The following ZNF341 variants were observed in gnomAD, a reference collection of about 807,000 sequenced individuals.
ZNF341 encodes zinc finger protein 341.
ZNF341 carries 52 observed loss-of-function variants against 87.7 expected under a neutral mutation model. The ratio of observed to expected loss-of-function variants is 0.59; its 90% CI spans 0.47 to 0.75. The LOEUF is 0.75. ZNF341 is among the 30% of genes least tolerant of loss of function. ZNF341 has a pLI of 0.00. For missense variants in ZNF341, 977 were observed against 1,145.9 expected, an observed-to-expected ratio of 0.85 and a Z score of 2.13; for synonymous variants, 459 against 472.7, an observed-to-expected ratio of 0.97 and a Z score of 0.38.
At chr20:33,770,328 G>A (rs138412797) in intron 10 of ZNF341, 36 bp downstream of exon 10, 16 of 1,529,392 alleles carry the variant, frequency 1.0e-5, no homozygotes, top group East Asian at 2.3e-5. Context: ...CTGGGTGGAC[G>A]GGTGGGTGGG....
chr20:33,740,747 G>A (rs1015523720), intron 1 of ZNF341, among the ~76,000 whole-genome samples, 155 bp from the exon 2 acceptor site: 1 of 152,130 alleles, frequency 6.6e-6, no homozygotes, highest in Non-Finnish European at 1.5e-5. Context: ...GGGCTCAAGC[G>A]ATCTCCCACC....
At chr20:33,735,277 C>T (rs563738888) in intron 1 of ZNF341, among the ~76,000 whole-genome samples, 172 of 152,266 alleles carry the variant, frequency 1.1e-3, no homozygotes, top group Non-Finnish European at 2.2e-3. Context: ...GTGATCTGCC[C>T]GCCTTGGCCT....
At chr20:33,776,553 A>AT (rs2019631861) in intron 10 of ZNF341, among the ~76,000 whole-genome samples, 2 of 151,946 alleles carry the variant, frequency 1.3e-5, no homozygotes, top group Admixed American at 6.6e-5. Flanking sequence ...GGCCTGGCTA[A>AT]TTTTTTATTT....
intron 10 of ZNF341, among the ~76,000 whole-genome samples, chr20:33,775,296 G>A (rs1206731964): frequency 1.3e-5 from 2 of 148,542 alleles, no homozygotes; most frequent in African/African-American, 5.0e-5. Flanking sequence ...TACAACCTTC[G>A]CCTCCCAGGT....
rs2020016826 is a variant in ZNF341 at position 33,791,195 on chromosome 20, A to G, written c.2243A>G (p.Gln748Arg). Residue 748 changes from glutamine (Q) to arginine (R), a missense_variant, in exon 15 of 15, where the codon CAG becomes CGG. Gln to Arg is a conservative substitution (Grantham distance 43, BLOSUM62 1). Around this residue, in one of 3 missense-constraint regions of ZNF341, gnomAD observed 221 missense variants for 212.7 expected, o/e 1.04. Transcript: ENST00000375200. ...DKDLQTRRPP[Q>R]RRAAPRSCGS... Reference sequence around the variant, plus strand: ...GACCTGCAAACCCGGCGGCCCCCCCAGAGGAGGGCAGCCCCCCGCAGTTGC... The same window carrying G: ...GACCTGCAAACCCGGCGGCCCCCCCGGAGGAGGGCAGCCCCCCGCAGTTGC... 6.2e-7 allele frequency: 1 copy of G among 1,612,618 alleles called. No individual in the cohort carries two copies. The highest frequency in any genetic ancestry group is 1.3e-5 in the African/African-American group (1 of 74,914).
chr20:33,749,025 T>G lies in ZNF341; in HGVS notation c.442T>G (p.Phe148Val). Residue 148 changes from phenylalanine (F) to valine (V), a missense_variant, in exon 4 of 15, where the codon TTC becomes GTC. By Grantham distance (50) the Phe-to-Val change is conservative (BLOSUM62 -1). Around this residue, in one of 3 missense-constraint regions of ZNF341, gnomAD observed 515 missense variants for 598.2 expected, o/e 0.86. Coordinates refer to ENST00000375200, the MANE Select transcript of ZNF341 (RefSeq NM_001282933.2). ...DDVLMSAMSA[F>V]TSLDQPMPQG... The stretch of plus-strand genomic sequence containing the variant: ...TGTGCTCATGTCTGCCATGTCAGCC[T>G]TCACATCCCTGGACCAGCCCATGCC... 6 of 1,614,134 alleles carry G rather than the reference T, an allele frequency of 3.7e-6. No homozygotes were observed. Among genetic ancestry groups the G allele is most frequent in the Non-Finnish European group, 5.1e-6 (6 of 1,179,976 alleles).
At chr20:33,736,691 T>G (rs1050244599) in intron 1 of ZNF341, among the ~76,000 whole-genome samples, 48 of 152,320 alleles carry the variant, frequency 3.2e-4, no homozygotes, top group African/African-American at 1.2e-3. Context: ...GGTTTCACCA[T>G]GTTGCCCAGG....
At chr20:33,778,989 G>GT (rs2122722032) in intron 10 of ZNF341, among the ~76,000 whole-genome samples, 1 of 152,222 alleles carries the variant, frequency 6.6e-6, no homozygotes, top group Admixed American at 6.5e-5. Context: ...GCACAGTTGT[G>GT]TTTTTTGACT....
chr20:33,742,609 C>G (rs1246283346), intron 2 of ZNF341, among the ~76,000 whole-genome samples: 1 of 151,628 alleles, frequency 6.6e-6, no homozygotes. Flanking sequence ...AACCACCATG[C>G]CTGGCCAAAA....
At chr20:33,784,623 T>A (rs1601290444) in intron 12 of ZNF341, among the ~76,000 whole-genome samples, 1 of 150,110 alleles carries the variant, frequency 6.7e-6, no homozygotes, top group East Asian at 2.0e-4. Context: ...TTCTTTTTTT[T>A]TTTTTCTTTG....
At position 33,772,010 on chromosome 20, in the gene ZNF341, T is replaced by TAAAAAAAAAAAAAAAAAAAAAAAA. The variant is rs57345366; in HGVS notation, c.1622+1720_1622+1743dup. ...GCCTGAGCGACAGAGACGCTTGTCT[T>TAAAAAAAAAAAAAAAAAAAAAAAA]AAAAAAAAAAAAAAAAAAAAAAAAA... On this transcript the variant is annotated intron_variant, in intron 10 of 14. Coordinates refer to ENST00000375200, the MANE Select transcript of ZNF341 (RefSeq NM_001282933.2). Among the ~76,000 whole-genome samples, 2 of 56,166 alleles carry TAAAAAAAAAAAAAAAAAAAAAAAA rather than the reference T, an allele frequency of 3.6e-5. 1 individual carries two copies. The highest frequency in any genetic ancestry group is 6.2e-5 in the Non-Finnish European group (2 of 32,060). 36.8% of individuals were successfully genotyped at this position (56,166 alleles called of 152,430 possible). A position where few individuals can be genotyped will look rare whatever the true frequency, so the allele number is the denominator to read the frequency against.
At chr20:33,787,730 C>T (rs1601294163) in intron 12 of ZNF341, 1 of 152,360 alleles carries the variant, frequency 6.6e-6, no homozygotes, top group East Asian at 1.9e-4. Context: ...TAGGGGTAGC[C>T]CCTGAGCCAG....
At chr20:33,762,630 C>T (rs574352079) in intron 8 of ZNF341, among the ~76,000 whole-genome samples, 2 of 152,010 alleles carry the variant, frequency 1.3e-5, no homozygotes, top group Non-Finnish European at 2.9e-5. Flanking sequence ...ACCCCATCAT[C>T]TAGGTTTTAG....
At chr20:33,765,521 G>A (rs1336504686) in intron 8 of ZNF341, among the ~76,000 whole-genome samples, 2 of 151,854 alleles carry the variant, frequency 1.3e-5, no homozygotes, top group Admixed American at 6.6e-5. Flanking sequence ...TGGGACCACC[G>A]ACACATGCAA....
chr20:33,759,973 A>G (rs191344762), intron 7 of ZNF341, among the ~76,000 whole-genome samples: 64 of 152,330 alleles, frequency 4.2e-4, no homozygotes, highest in African/African-American at 1.3e-3. Context: ...TAACTATTAG[A>G]TGCTAGTAGT....
intron 12 of ZNF341, 81 bp downstream of exon 12, chr20:33,783,945 C>T: frequency 7.1e-7 from 1 of 1,407,838 alleles, no homozygotes; most frequent in Non-Finnish European, 9.7e-7. Flanking sequence ...TCTCTCTTCC[C>T]ATCCCCATCT....
intron 10 of ZNF341, among the ~76,000 whole-genome samples, chr20:33,779,237 T>TA (rs2019690479): frequency 6.6e-6 from 1 of 151,984 alleles, no homozygotes; most frequent in African/African-American, 2.4e-5. Flanking sequence ...GGAGGCGCCA[T>TA]ACACTTTTAA....
rs370717954 is a variant in ZNF341 at position 33,764,611 on chromosome 20, C to T, written c.1223-2240C>T. On this transcript the variant is annotated intron_variant, in intron 8 of 14. Transcript: ENST00000375200. ...TTTTTGAGATGGAGTCTTGCTCTGT[C>T]GCCCAGGCTGGAGTGCAGTGGTGCG... 5.8e-4 allele frequency among the ~76,000 whole-genome samples: 55 copies of T among 94,464 alleles called. No homozygotes were observed. In the East Asian group the frequency reaches 7.5e-3, roughly 13 times the overall value. The allele number at this position is 94,464 out of a possible 152,430, so 62.0% of individuals were successfully genotyped here.
Position 33,768,896 on chromosome 20 carries a change from TGA to T in ZNF341, c.1414-1186_1414-1185del, listed in dbSNP as rs536778309. On this transcript the variant is annotated intron_variant, in intron 9 of 14. Transcript: ENST00000375200. ...TTCTCATACAAATGAGGCCTGAAAGTGAGTCAGAATTTTACTTAACTCATTAG... is the reference window on the plus strand; with the variant it reads ...TTCTCATACAAATGAGGCCTGAAAGTGTCAGAATTTTACTTAACTCATTAG... Among the ~76,000 whole-genome samples, 55 of 152,158 alleles carry T rather than the reference TGA, an allele frequency of 3.6e-4. 1 individual carries two copies. The highest frequency in any genetic ancestry group is 2.4e-4 in the Non-Finnish European group (16 of 68,014).
Sources: gnomAD v4.1 joint callset for allele counts (sites outside exome capture counted in the v4.1 genomes callset) on GRCh38, gnomAD v4.1.1 for gene constraint, gnomAD v4.1.1 regional missense constraint, MANE v1.5 for transcripts, NCBI Gene and HGNC (gene_info 2026-07-23, HGNC 2026-07-21) for gene names.